The following TMTC1 variants were observed in gnomAD, a reference collection of about 807,000 sequenced individuals.
TMTC1 encodes the protein protein O-mannosyl-transferase TMTC1.
A neutral mutation model predicts 104.8 loss-of-function variants in TMTC1; 73 were observed. The ratio of observed to expected loss-of-function variants is 0.70; its 90% CI spans 0.58 to 0.85. The LOEUF is 0.85. Ranked by LOEUF, TMTC1 falls within the 40% of genes least tolerant of loss-of-function variation. TMTC1 has a pLI of 0.00. For synonymous variants in TMTC1, 434 were observed against 428.7 expected (o/e 1.01, Z -0.15); for missense variants, 1,035 against 1,096.1 (o/e 0.94, Z 0.79).
intron 9 of TMTC1, among the ~76,000 whole-genome samples, chr12:29,571,185 C>T (rs1945666236): frequency 6.6e-6 from 1 of 152,136 alleles, no homozygotes; most frequent in Non-Finnish European, 1.5e-5. Context: ...TCTTCAAAGG[C>T]TTCTGTGAGC....
intron 7 of TMTC1, among the ~76,000 whole-genome samples, chr12:29,586,827 T>A (rs1342397437): frequency 6.6e-6 from 1 of 150,954 alleles, no homozygotes; most frequent in Non-Finnish European, 1.5e-5. Context: ...TGCTGCTGGA[T>A]TCGGTTTGCC....
chr12:29,717,761 TTC>T (rs1347172430), intron 5 of TMTC1, among the ~76,000 whole-genome samples: 28 of 152,304 alleles, frequency 1.8e-4, no homozygotes, highest in African/African-American at 6.5e-4. Flanking sequence ...TTAAGGGAAT[TTC>T]AAAGTTTTGT....
At chr12:29,772,817 T>C (rs1265339670) in intron 1 of TMTC1, among the ~76,000 whole-genome samples, 27 of 152,288 alleles carry the variant, frequency 1.8e-4, no homozygotes, top group South Asian at 1.0e-3. Flanking sequence ...AACCAATTTT[T>C]TAAAAAACTC....
chr12:29,557,503 T>C (rs868860869), intron 9 of TMTC1, among the ~76,000 whole-genome samples: 56 of 152,264 alleles, frequency 3.7e-4, no homozygotes, highest in Middle Eastern at 6.8e-3. Flanking sequence ...CAGGCTGGAG[T>C]GCAGTGGCAC....
intron 5 of TMTC1, among the ~76,000 whole-genome samples, chr12:29,649,873 T>C (rs2136593482): frequency 6.6e-6 from 1 of 152,288 alleles, no homozygotes; most frequent in Non-Finnish European, 1.5e-5. Flanking sequence ...CTAAGGATGC[T>C]AACTATAACC....
chr12:29,682,213 C>A (rs900316801), intron 5 of TMTC1, among the ~76,000 whole-genome samples: 2 of 152,086 alleles, frequency 1.3e-5, no homozygotes, highest in African/African-American at 4.8e-5. Flanking sequence ...TATCACTAAC[C>A]ACCTACTAGA....
chr12:29,699,201 A>C (rs1941510084), intron 5 of TMTC1, among the ~76,000 whole-genome samples: 2 of 152,224 alleles, frequency 1.3e-5, no homozygotes, highest in African/African-American at 4.8e-5. Context: ...GATAGGTAAC[A>C]GTTGTGCAGA....
chr12:29,624,660 CATG>C (rs1318158071), intron 6 of TMTC1, among the ~76,000 whole-genome samples: 1 of 152,230 alleles, frequency 6.6e-6, no homozygotes, highest in Non-Finnish European at 1.5e-5. Flanking sequence ...GCACTTCCTT[CATG>C]TCTCTGCTCT....
chr12:29,659,960 A>G lies in TMTC1; in HGVS notation c.939-26624T>C, dbSNP rs1305547932. ...GCATAGATCCTCCCATTATCCACAGACGGAAGTACAAAATGACAAGCACCT... is the reference window on the plus strand; with the variant it reads ...GCATAGATCCTCCCATTATCCACAGGCGGAAGTACAAAATGACAAGCACCT... On this transcript the variant is annotated intron_variant, in intron 5 of 17. Coordinates refer to ENST00000539277, the MANE Select transcript of TMTC1 (RefSeq NM_001193451.2). The G allele has an allele frequency of 2.0e-6, 3 of 1,535,882 alleles. No individual in the cohort carries two copies. The Admixed American group carries it at 5.9e-5, about 30-fold the overall frequency.
In TMTC1 at chr12:29,706,236, T is replaced by C. The variant is rs116973607; in HGVS notation, c.938+45430A>G. 5.0e-3 allele frequency among the ~76,000 whole-genome samples: 766 copies of C among 152,270 alleles called. 3 individuals are homozygous for C. The highest frequency in any genetic ancestry group is 0.048 in the Middle Eastern group (14 of 292). Reference sequence around the variant, plus strand: ...GTCAAGAAAAGCTTCCTTGAGAGGCTGAATTCTGACCCAGCTATGCAGGAA... The same window carrying C: ...GTCAAGAAAAGCTTCCTTGAGAGGCCGAATTCTGACCCAGCTATGCAGGAA... On this transcript the variant is annotated intron_variant, in intron 5 of 17. Transcript: ENST00000539277.
intron 11 of TMTC1, among the ~76,000 whole-genome samples, chr12:29,532,390 T>C (rs540712097): frequency 6.6e-6 from 1 of 152,052 alleles, no homozygotes; most frequent in African/African-American, 2.4e-5. Flanking sequence ...AATATTGTTT[T>C]AAAAAAGCCC....
At chr12:29,670,241 A>G (rs565460714) in intron 5 of TMTC1, among the ~76,000 whole-genome samples, 1 of 152,364 alleles carries the variant, frequency 6.6e-6, no homozygotes, top group African/African-American at 2.4e-5. Flanking sequence ...AGTGAAAAAG[A>G]GTATTTGATA....
At chr12:29,524,466 C>T (rs1944278381) in intron 11 of TMTC1, among the ~76,000 whole-genome samples, 1 of 152,004 alleles carries the variant, frequency 6.6e-6, no homozygotes, top group Admixed American at 6.6e-5. Flanking sequence ...TTTTATTATC[C>T]AGCACAACCT....
chr12:29,617,075 C>T lies in TMTC1; in HGVS notation c.1129-12776G>A, dbSNP rs147168000. On this transcript the variant is annotated intron_variant, in intron 6 of 17. Transcript: ENST00000539277. ...CCTCTCCAAATGCACTGTCCTATAC[C>T]TACATATTCCCTACATATTTCTTCT... Among the ~76,000 whole-genome samples, 57 of 152,004 alleles carry T rather than the reference C, an allele frequency of 3.7e-4. No individual in the cohort carries two copies. The East Asian group carries it at 9.3e-3, about 25-fold the overall frequency.
intron 5 of TMTC1, among the ~76,000 whole-genome samples, chr12:29,694,231 A>G (rs1172758196): frequency 1.3e-5 from 2 of 152,154 alleles, no homozygotes; most frequent in African/African-American, 4.8e-5. Context: ...AGCAGAAGCA[A>G]TCTCCTCAAT....
chr12:29,771,213 C>T (rs564091282), intron 1 of TMTC1, among the ~76,000 whole-genome samples: 1 of 152,130 alleles, frequency 6.6e-6, no homozygotes, highest in Non-Finnish European at 1.5e-5. Flanking sequence ...ACCAGAAGAA[C>T]TAACTGACAT....
In TMTC1 at chr12:29,679,607, C is replaced by T. The variant is rs563122191; in HGVS notation, c.939-46271G>A. Among the ~76,000 whole-genome samples, 16 of 151,658 alleles carry T rather than the reference C, an allele frequency of 1.1e-4. No individual in the cohort carries two copies. The East Asian group carries it at 1.2e-3, about 11-fold the overall frequency. ...TGCTAATATACTGCTATGGAGTGAT[C>T]GCAGATAAAGGAAAAATGTGTACAA... is the stretch of plus-strand genomic sequence containing the variant. On this transcript the variant is annotated intron_variant, in intron 5 of 17. Transcript: ENST00000539277.
intron 5 of TMTC1, among the ~76,000 whole-genome samples, chr12:29,658,224 C>T (rs1347160561): frequency 1.3e-5 from 2 of 149,986 alleles, no homozygotes; most frequent in African/African-American, 2.4e-5. Flanking sequence ...TCTGCAAATA[C>T]AAAAAAAAAG....
Position 29,573,819 on chromosome 12 carries a change from G to T in TMTC1, c.1419-1601C>A, listed in dbSNP as rs1945747048. 8.5e-5 allele frequency among the ~76,000 whole-genome samples: 13 copies of T among 152,176 alleles called. No individual in the cohort carries two copies. The South Asian group carries it at 2.7e-3, about 32-fold the overall frequency. The stretch of plus-strand genomic sequence containing the variant: ...CTAACGGGCCCTGTGAGTCACACTG[G>T]AGACTTCTCAGGGGGTTATCTGAAG... On this transcript the variant is annotated intron_variant, in intron 8 of 17. Transcript: ENST00000539277.
Sources: gnomAD v4.1 joint callset for allele counts (sites outside exome capture counted in the v4.1 genomes callset) on GRCh38, gnomAD v4.1.1 for gene constraint, MANE v1.5 for transcripts, NCBI Gene and HGNC (gene_info 2026-07-23, HGNC 2026-07-21) for gene names.